The following TMX4 variants were observed in gnomAD, a reference collection of about 807,000 sequenced individuals.
TMX4 encodes thioredoxin related transmembrane protein 4, also known as thioredoxin-related transmembrane protein 4.
In TMX4, 23 loss-of-function variants were observed where a neutral mutation model predicts 33.3. The observed-to-expected ratio is 0.69, with a 90% CI of 0.50 to 0.98. The LOEUF (loss-of-function observed/expected upper bound fraction) is 0.98, where lower values mean the gene tolerates loss of function less well. TMX4 is among the 50% of genes least tolerant of loss of function. The pLI is 0.00. For synonymous variants in TMX4, 164 were observed against 161.5 expected, an observed-to-expected ratio of 1.02 and a Z score of -0.12; for missense variants, 399 against 448.9, an observed-to-expected ratio of 0.89 and a Z score of 1.01.
intron 2 of TMX4, among the ~76,000 whole-genome samples, chr20:8,009,617 A>G (rs552302477): frequency 1.3e-5 from 2 of 152,290 alleles, no homozygotes; most frequent in South Asian, 4.1e-4. Context: ...TACTCTTGCC[A>G]TAAATGTCTA....
intron 2 of TMX4, among the ~76,000 whole-genome samples, chr20:8,009,262 A>G (rs1600147080): frequency 3.3e-5 from 5 of 152,278 alleles, no homozygotes; most frequent in Admixed American, 3.3e-4. Flanking sequence ...TCAGAATTTA[A>G]AAGTCTCTGT....
At chr20:7,986,080 G>A (rs745546680) in intron 6 of TMX4, among the ~76,000 whole-genome samples, 43 of 152,180 alleles carry the variant, frequency 2.8e-4, no homozygotes, top group African/African-American at 1.0e-3. Flanking sequence ...GAAAAATCTC[G>A]CACCAGACAA....
At chr20:7,992,476 T>TATGAGG (rs1352865109) in intron 5 of TMX4, among the ~76,000 whole-genome samples, 1 of 152,168 alleles carries the variant, frequency 6.6e-6, no homozygotes, top group African/African-American at 2.4e-5. Context: ...ATGAATGACA[T>TATGAGG]ATCGAGGATC....
chr20:7,986,971 T>A (rs1290266212), intron 6 of TMX4, among the ~76,000 whole-genome samples: 1 of 151,012 alleles, frequency 6.6e-6, no homozygotes, highest in Non-Finnish European at 1.5e-5. Context: ...ATGTGTGAAA[T>A]CACAGCTGAC....
chr20:7,982,086 C>T lies in TMX4; in HGVS notation c.*165G>A, dbSNP rs903967251. ...CTGATTGTCACACCTGGAAGACTCT[C>T]CTTAGTATACATGAGGCTTACTGCC... On this transcript the variant is annotated 3_prime_UTR_variant, in exon 8 of 8. Coordinates refer to ENST00000246024, the MANE Select transcript of TMX4 (RefSeq NM_021156.4). 1.5e-6 allele frequency: 1 copy of T among 675,114 alleles called. No individual in the cohort carries two copies. The highest frequency in any genetic ancestry group is 2.7e-5 in the East Asian group (1 of 36,572). 41.8% of individuals were successfully genotyped at this position (675,114 alleles called of 1,614,324 possible). A position where few individuals can be genotyped will look rare whatever the true frequency, so the allele number is the denominator to read the frequency against.
chr20:8,001,965 G>T (rs1329790764), intron 2 of TMX4, among the ~76,000 whole-genome samples: 1 of 151,910 alleles, frequency 6.6e-6, no homozygotes, highest in Non-Finnish European at 1.5e-5. Flanking sequence ...CATGGTGCTG[G>T]GTACATAGTG....
chr20:8,005,691 C>A (rs962993618), intron 2 of TMX4, among the ~76,000 whole-genome samples: 2 of 152,160 alleles, frequency 1.3e-5, no homozygotes, highest in Non-Finnish European at 1.5e-5. Flanking sequence ...CAGAAGAACA[C>A]ACAGCGGCTG....
At chr20:8,009,211 T>A (rs2050742502) in intron 2 of TMX4, among the ~76,000 whole-genome samples, 1 of 152,176 alleles carries the variant, frequency 6.6e-6, no homozygotes, top group Non-Finnish European at 1.5e-5. Context: ...AATATACAGT[T>A]GTTTTAAAAC....
At position 7,982,708 on chromosome 20, in the gene TMX4, T is replaced by G. The variant is rs1200408338; in HGVS notation, c.680-87A>C. The stretch of plus-strand genomic sequence containing the variant: ...AGTGTGTTTAGCTGTGAAATAAAAA[T>G]AGAGGGTAAGTGACAGTTTTTTCTA... On this transcript the variant is annotated intron_variant, in intron 7 of 7. Coordinates refer to ENST00000246024, the MANE Select transcript of TMX4 (RefSeq NM_021156.4). The G allele has an allele frequency of 4.2e-6, 6 of 1,421,214 alleles. No individual in the cohort carries two copies. In the African/African-American group the frequency reaches 4.3e-5, roughly 10 times the overall value. The allele number at this position is 1,421,214 out of a possible 1,614,324, so 88.0% of individuals were successfully genotyped here.
At chr20:8,007,900 CATT>C (rs755906368) in intron 2 of TMX4, among the ~76,000 whole-genome samples, 54 of 152,300 alleles carry the variant, frequency 3.5e-4, no homozygotes, top group Admixed American at 2.4e-3. Flanking sequence ...CACCATCTGA[CATT>C]ATTTGCCAAT....
chr20:8,010,297 T>C lies in TMX4; in HGVS notation c.195A>G (p.Pro65=), dbSNP rs1487582917. ...WMLKFYAPWC[P]SCQQTDSEWE... is the part of the protein sequence containing the mutation. ...ATTCTGAATCAGTCTGCTGGCAGGA[T>C]GGACACCATGGGGCGTAACTATAAG... is the stretch of plus-strand genomic sequence containing the variant. Residue 65 remains proline, a synonymous_variant, in exon 2 of 8, where the codon CCA becomes CCG. Transcript: ENST00000246024. The C allele has an allele frequency of 6.2e-7, 1 of 1,610,794 alleles. No homozygotes were observed. The highest frequency in any genetic ancestry group is 1.7e-4 in the Middle Eastern group (1 of 6,048).
rs2050668708 is a variant in TMX4, at chr20:7,994,730, G to A, written c.513+1296C>T. On this transcript the variant is annotated intron_variant, in intron 5 of 7. Transcript: ENST00000246024. ...TCCAATTTTTCTGTTGAATTAGACAGTATAATGCTACACGGCTCAAACAGC... is the reference window on the plus strand; with the variant it reads ...TCCAATTTTTCTGTTGAATTAGACAATATAATGCTACACGGCTCAAACAGC... 3.9e-5 allele frequency among the ~76,000 whole-genome samples: 6 copies of A among 152,270 alleles called. No individual in the cohort carries two copies. The South Asian group carries it at 1.2e-3, about 32-fold the overall frequency.
intron 1 of TMX4, among the ~76,000 whole-genome samples, chr20:8,016,379 A>C (rs181240775): frequency 1.7e-3 from 266 of 152,310 alleles, no homozygotes; most frequent in African/African-American, 5.9e-3. Flanking sequence ...CTAAAAAATA[A>C]TAATAACAAC....
chr20:7,995,120 T>C (rs1252707126), intron 5 of TMX4, among the ~76,000 whole-genome samples: 2 of 152,188 alleles, frequency 1.3e-5, no homozygotes, highest in African/African-American at 4.8e-5. Flanking sequence ...AAGGTTTTTC[T>C]TAAATGTCTT....
At chr20:7,983,545 A>G (rs1444183659) in intron 7 of TMX4, among the ~76,000 whole-genome samples, 1 of 152,206 alleles carries the variant, frequency 6.6e-6, no homozygotes, top group African/African-American at 2.4e-5. Flanking sequence ...GGAAAATATG[A>G]CACTGATTAA....
At chr20:7,998,121 T>C (rs192293532) in intron 4 of TMX4, among the ~76,000 whole-genome samples, 2 of 152,198 alleles carry the variant, frequency 1.3e-5, no homozygotes, top group Non-Finnish European at 1.5e-5. Flanking sequence ...GTACAGCCTG[T>C]AGAACCATGA....
At chr20:8,005,509 C>T (rs1014898119) in intron 2 of TMX4, among the ~76,000 whole-genome samples, 2 of 152,188 alleles carry the variant, frequency 1.3e-5, no homozygotes, top group Non-Finnish European at 2.9e-5. Context: ...GCTCCACCCT[C>T]GGGGCTGTGC....
chr20:8,010,087 GC>G (rs747578614), intron 2 of TMX4, 112 bp downstream of exon 2: 158 of 728,598 alleles, frequency 2.2e-4, no homozygotes, highest in Non-Finnish European at 3.3e-4. Flanking sequence ...CTTAAAGGTG[GC>G]CAGTTCATGG....
chr20:8,009,004 T>C (rs1285246744), intron 2 of TMX4, among the ~76,000 whole-genome samples: 1 of 152,192 alleles, frequency 6.6e-6, no homozygotes, highest in Non-Finnish European at 1.5e-5. Flanking sequence ...TAAGTGTTTT[T>C]TGAACTCACA....
Sources: allele counts gnomAD v4.1 joint callset (sites outside exome capture counted in the v4.1 genomes callset), GRCh38; gene constraint gnomAD v4.1.1; transcripts MANE v1.5; gene names NCBI Gene and HGNC (gene_info 2026-07-23, HGNC 2026-07-21).